AP3D1: variants seen among roughly 807,000 people sequenced by gnomAD.
AP3D1 encodes the protein AP-3 complex subunit delta-1.
AP3D1 carries 51 observed loss-of-function variants against 147.6 expected under a neutral mutation model. That is an observed-to-expected ratio of 0.35 (90% confidence interval 0.28 to 0.44). The LOEUF is 0.44. Ranked by LOEUF, AP3D1 falls within the 20% of genes least tolerant of loss-of-function variation. AP3D1 has a pLI of 1.00. For missense variants in AP3D1, 1,421 were observed against 1,624.2 expected (o/e 0.87, Z 2.15); for synonymous variants, 760 against 663.0 (o/e 1.15, Z -2.25).
At chr19:2,133,137 C>A (rs902769236) in intron 4 of AP3D1, among the ~76,000 whole-genome samples, 2 of 152,198 alleles carry the variant, frequency 1.3e-5, no homozygotes, top group African/African-American at 4.8e-5. Flanking sequence ...GGGCCTGGCA[C>A]AGAATGGGCA....
chr19:2,122,349 G>A lies in AP3D1; in HGVS notation c.956-470C>T, dbSNP rs76989138. On this transcript the variant is annotated intron_variant, in intron 11 of 31. Transcript: ENST00000643116. Reference sequence around the variant, plus strand: ...GGCACAGATGCCACAACCTAAGCCAGGGCCACCCCAGCCACAGGGCACACA... The same window carrying A: ...GGCACAGATGCCACAACCTAAGCCAAGGCCACCCCAGCCACAGGGCACACA... 3.1e-3 allele frequency among the ~76,000 whole-genome samples: 472 copies of A among 152,336 alleles called. 5 individuals carry two copies. The highest frequency in any genetic ancestry group is 0.011 in the African/African-American group (449 of 41,560).
chr19:2,102,097 G>A lies in AP3D1; in HGVS notation c.*76C>T, dbSNP rs138030639. 2.0e-5 allele frequency: 23 copies of A among 1,172,314 alleles called. No individual in the cohort carries two copies. The highest frequency in any genetic ancestry group is 2.7e-5 in the Non-Finnish European group (21 of 788,914). 72.6% of individuals were successfully genotyped at this position (1,172,314 alleles called of 1,614,324 possible). ...GCTTGGGTACAGTACACACGACTGA[G>A]GAGAGGCGAGACACGTCAGGGCTGC... On this transcript the variant is annotated 3_prime_UTR_variant, in exon 32 of 32. Transcript: ENST00000643116.
upstream of AP3D1, among the ~76,000 whole-genome samples, chr19:2,152,587 G>C (rs971325407): frequency 6.8e-6 from 1 of 146,104 alleles, no homozygotes; most frequent in African/African-American, 2.5e-5. Flanking sequence ...TAAAAACTGG[G>C]GTAAGATGGG....
At chr19:2,115,776 G>A (rs899424957) in intron 18 of AP3D1, among the ~76,000 whole-genome samples, 163 bp from the exon 19 acceptor site, 9 of 152,368 alleles carry the variant, frequency 5.9e-5, no homozygotes, top group South Asian at 2.1e-4. Context: ...AGCGCATCCC[G>A]AGGACCCGAC....
At chr19:2,163,937 T>G (rs2019807965) in intron 1 of AP3D1, among the ~76,000 whole-genome samples, 1 of 149,568 alleles carries the variant, frequency 6.7e-6, no homozygotes, top group Non-Finnish European at 1.5e-5. Flanking sequence ...CGGCTCATTG[T>G]GCTCGCTTCA....
At chr19:2,133,657 C>A (rs368522407) in intron 4 of AP3D1, among the ~76,000 whole-genome samples, 1 of 152,130 alleles carries the variant, frequency 6.6e-6, no homozygotes, top group Non-Finnish European at 1.5e-5. Context: ...GTGCGTGTCA[C>A]CACGCCTGGC....
chr19:2,114,374 G>A (rs905295906), intron 21 of AP3D1, 72 bp from the exon 22 acceptor site: 11 of 1,309,762 alleles, frequency 8.4e-6, no homozygotes, highest in Non-Finnish European at 1.2e-5. Flanking sequence ...TACATGCCGT[G>A]TCCAAGCATG....
chr19:2,137,321 T>TC (rs2019103381), intron 3 of AP3D1, among the ~76,000 whole-genome samples: 2 of 151,882 alleles, frequency 1.3e-5, no homozygotes, highest in African/African-American at 4.8e-5. Context: ...TGTGTTTTTT[T>TC]TTTTTTCTTG....
intron 1 of AP3D1, among the ~76,000 whole-genome samples, chr19:2,160,200 G>A (rs1392607215): frequency 1.3e-5 from 2 of 152,160 alleles, no homozygotes; most frequent in Non-Finnish European, 2.9e-5. Context: ...CTATGGGAAT[G>A]ACCAGAGGAA....
intron 29 of AP3D1, chr19:2,109,474 C>T: frequency 2.0e-6 from 1 of 509,376 alleles, no homozygotes; most frequent in Non-Finnish European, 3.5e-6. Flanking sequence ...GGACGGATGT[C>T]CTGTAGGAAG....
chr19:2,123,717 G>A, intron 10 of AP3D1, 113 bp downstream of exon 10: 1 of 1,327,318 alleles, frequency 7.5e-7, no homozygotes, highest in Middle Eastern at 1.8e-4. Context: ...CAAGCCGCAA[G>A]ATGGCGTGGG....
chr19:2,133,941 C>G, intron 4 of AP3D1, among the ~76,000 whole-genome samples: 1 of 151,434 alleles, frequency 6.6e-6, no homozygotes, highest in East Asian at 2.0e-4. Flanking sequence ...AACCCTGTCT[C>G]TCCTAAAATA....
chr19:2,102,300 A>C (rs767409906), intron 31 of AP3D1, 32 bp from the exon 32 acceptor site: 1 of 1,580,674 alleles, frequency 6.3e-7, no homozygotes, highest in South Asian at 1.1e-5. Flanking sequence ...ATATTTTAAA[A>C]GTGTGTGCAG....
At chr19:2,130,942 C>T (rs1343858588) in intron 5 of AP3D1, among the ~76,000 whole-genome samples, 6 of 152,258 alleles carry the variant, frequency 3.9e-5, no homozygotes, top group Non-Finnish European at 8.8e-5. Context: ...GGAGTCGCCT[C>T]GAACTGCCTG....
At chr19:2,162,982 C>T (rs1408221736) in intron 1 of AP3D1, among the ~76,000 whole-genome samples, 1 of 152,114 alleles carries the variant, frequency 6.6e-6, no homozygotes, top group Non-Finnish European at 1.5e-5. Flanking sequence ...CTCCCTCTTC[C>T]TTCTAACCTC....
chr19:2,110,265 G>C (rs2018234052), intron 27 of AP3D1, 41 bp from the exon 28 acceptor site: 2 of 1,560,432 alleles, frequency 1.3e-6, no homozygotes, highest in Non-Finnish European at 1.8e-6. Flanking sequence ...GACGCTGCGG[G>C]GGCTCAGCAT....
At chr19:2,135,846 C>T (rs2019062007) in intron 4 of AP3D1, among the ~76,000 whole-genome samples, 1 of 152,248 alleles carries the variant, frequency 6.6e-6, no homozygotes, top group South Asian at 2.1e-4. Context: ...TGGGCAGCTG[C>T]CACCTGGGTA....
At position 2,108,727 on chromosome 19, in the gene AP3D1, C is replaced by T. The variant is rs775335875; in HGVS notation, c.3512G>A (p.Arg1171His). 21 of 1,583,776 alleles carry T rather than the reference C, an allele frequency of 1.3e-5. No homozygotes were observed. The highest frequency in any genetic ancestry group is 2.3e-5 in the East Asian group (1 of 42,876). ...RVDSCASMYS[R>H]SIQGHHVCLL... Reference sequence around the variant, plus strand: ...GCAGACATGGTGGCCCTGGATGGAGCGGCTGTACATGGAGGCGCAGGAGTC... The same window carrying T: ...GCAGACATGGTGGCCCTGGATGGAGTGGCTGTACATGGAGGCGCAGGAGTC... Residue 1171 changes from arginine (R) to histidine (H), a missense_variant, in exon 31 of 32, where the codon CGC becomes CAC. By Grantham distance (29) the Arg-to-His change is conservative. Coordinates refer to ENST00000643116, the MANE Select transcript of AP3D1 (RefSeq NM_001261826.3).
At position 2,115,141 on chromosome 19, in the gene AP3D1, G is replaced by A. The variant is rs955717506; in HGVS notation, c.2349+78C>T. Reference sequence around the variant, plus strand: ...GCCACCAACGAAGACCATGGGGAGAGGCCACTGTGCATGGCCCCAGGACAC... The same window carrying A: ...GCCACCAACGAAGACCATGGGGAGAAGCCACTGTGCATGGCCCCAGGACAC... On this transcript the variant is annotated intron_variant, in intron 20 of 31. Transcript: ENST00000643116. 5.5e-6 allele frequency: 8 copies of A among 1,443,180 alleles called. No individual in the cohort carries two copies. The African/African-American group carries it at 9.8e-5, about 18-fold the overall frequency. The allele number at this position is 1,443,180 out of a possible 1,614,324, so 89.4% of individuals were successfully genotyped here.
Sources: gnomAD v4.1 joint callset for allele counts (sites outside exome capture counted in the v4.1 genomes callset) on GRCh38, gnomAD v4.1.1 for gene constraint, MANE v1.5 for transcripts, NCBI Gene and HGNC (gene_info 2026-07-23, HGNC 2026-07-21) for gene names.